DNAJC1: variants seen among roughly 807,000 people sequenced by gnomAD.
DNAJC1 encodes the protein dnaJ homolog subfamily C member 1.
In DNAJC1, 58 loss-of-function variants were observed where a neutral mutation model predicts 76.6. The ratio of observed to expected loss-of-function variants is 0.76; its 90% CI spans 0.61 to 0.94. The LOEUF is 0.94. Ranked by LOEUF, DNAJC1 falls within the 40% of genes least tolerant of loss-of-function variation. DNAJC1 has a pLI of 0.00. For synonymous variants in DNAJC1, 258 were observed against 267.9 expected, an observed-to-expected ratio of 0.96 and a Z score of 0.36; for missense variants, 689 against 677.3, an observed-to-expected ratio of 1.02 and a Z score of -0.19.
chr10:21,884,991 G>T (rs888292917), intron 7 of DNAJC1, among the ~76,000 whole-genome samples: 3 of 151,940 alleles, frequency 2.0e-5, no homozygotes, highest in African/African-American at 4.8e-5. Flanking sequence ...ACAATACAAT[G>T]ACAGGATCAA....
At chr10:21,815,715 C>G (rs1288402173) in intron 8 of DNAJC1, among the ~76,000 whole-genome samples, 2 of 151,330 alleles carry the variant, frequency 1.3e-5, no homozygotes, top group East Asian at 3.9e-4. Flanking sequence ...AAATCTTTGC[C>G]TATCTCAAGG....
intron 8 of DNAJC1, among the ~76,000 whole-genome samples, chr10:21,843,983 T>G (rs748756691): frequency 1.3e-5 from 2 of 152,150 alleles, no homozygotes; most frequent in Non-Finnish European, 2.9e-5. Flanking sequence ...ACTGTTCTCA[T>G]GGTAGTGAGT....
chr10:21,989,203 A>G (rs907781776), intron 1 of DNAJC1, among the ~76,000 whole-genome samples: 2 of 152,204 alleles, frequency 1.3e-5, no homozygotes, highest in Non-Finnish European at 2.9e-5. Flanking sequence ...AGGTTCTCAG[A>G]TAATAAGAAA....
chr10:21,879,161 A>T (rs1189932106), intron 8 of DNAJC1, among the ~76,000 whole-genome samples: 1 of 152,230 alleles, frequency 6.6e-6, no homozygotes, highest in East Asian at 1.9e-4. Context: ...TGTTCTAGTC[A>T]TTGAACTTGG....
chr10:21,895,729 A>G (rs1836530675), intron 7 of DNAJC1, among the ~76,000 whole-genome samples: 1 of 152,148 alleles, frequency 6.6e-6, no homozygotes, highest in Non-Finnish European at 1.5e-5. Flanking sequence ...AAGACAATGG[A>G]AGAATGACCG....
chr10:21,801,737 G>T (rs1228832806), intron 9 of DNAJC1, among the ~76,000 whole-genome samples: 1 of 152,032 alleles, frequency 6.6e-6, no homozygotes, highest in Non-Finnish European at 1.5e-5. Context: ...GGAATCAACC[G>T]AAATCCCATT....
At chr10:21,809,940 A>G (rs563216156) in intron 8 of DNAJC1, among the ~76,000 whole-genome samples, 7 of 145,544 alleles carry the variant, frequency 4.8e-5, no homozygotes, top group African/African-American at 1.8e-4. Context: ...ATGGCCTTTC[A>G]TGTGTGTGTG....
At chr10:21,787,175 A>G (rs1834621887) in intron 9 of DNAJC1, among the ~76,000 whole-genome samples, 1 of 152,106 alleles carries the variant, frequency 6.6e-6, no homozygotes, top group South Asian at 2.1e-4. Context: ...TAAAAGTACA[A>G]AAATTAGCCG....
intron 1 of DNAJC1, among the ~76,000 whole-genome samples, chr10:21,967,671 T>C (rs1268244664): frequency 6.6e-6 from 1 of 152,186 alleles, no homozygotes; most frequent in African/African-American, 2.4e-5. Flanking sequence ...TAGAAAATGA[T>C]TTCCTTCTCA....
chr10:21,900,633 TC>T (rs1836636716), intron 7 of DNAJC1, among the ~76,000 whole-genome samples: 1 of 152,178 alleles, frequency 6.6e-6, no homozygotes, highest in Admixed American at 6.5e-5. Flanking sequence ...AATACTATAT[TC>T]TTTAGATATT....
intron 3 of DNAJC1, among the ~76,000 whole-genome samples, chr10:21,927,390 A>C (rs1180200308): frequency 1.3e-5 from 2 of 152,212 alleles, no homozygotes; most frequent in Non-Finnish European, 2.9e-5. Context: ...AACATAGCAC[A>C]ATTTATAGGG....
In DNAJC1 at chr10:21,975,455, C is replaced by T. The variant is rs536505115; in HGVS notation, c.222+27758G>A. The stretch of plus-strand genomic sequence containing the variant: ...GGGCTGAAAAGGCAGGAAGAAAAGG[C>T]CTAACAACTGGTAAACTGATCCATT... On this transcript the variant is annotated intron_variant, in intron 1 of 11. Coordinates refer to ENST00000376980, the MANE Select transcript of DNAJC1 (RefSeq NM_022365.4). Among the ~76,000 whole-genome samples the T allele has an allele frequency of 3.3e-5, 5 of 152,108 alleles. No individual in the cohort carries two copies. The East Asian group carries it at 9.6e-4, about 29-fold the overall frequency.
intron 1 of DNAJC1, among the ~76,000 whole-genome samples, chr10:21,973,749 A>G (rs1014576774): frequency 6.6e-6 from 1 of 151,916 alleles, no homozygotes; most frequent in Non-Finnish European, 1.5e-5. Flanking sequence ...AAAAAAAAAA[A>G]GAAAAAAAGA....
intron 8 of DNAJC1, among the ~76,000 whole-genome samples, chr10:21,823,902 GAAT>G (rs141726106): frequency 3.3e-5 from 5 of 152,002 alleles, no homozygotes; most frequent in Non-Finnish European, 7.4e-5. Flanking sequence ...CTTTTAATTT[GAAT>G]AATAAAAAAA....
At chr10:21,778,543 A>C (rs937248488) in intron 9 of DNAJC1, among the ~76,000 whole-genome samples, 1 of 152,170 alleles carries the variant, frequency 6.6e-6, no homozygotes, top group Non-Finnish European at 1.5e-5. Context: ...CAATTGGGCT[A>C]TTTACTTGCA....
In DNAJC1 at chr10:22,003,227, G is replaced by A; in HGVS notation, c.208C>T (p.Leu70Phe). 2 of 1,559,478 alleles carry A rather than the reference G, an allele frequency of 1.3e-6. No individual in the cohort carries two copies. The highest frequency in any genetic ancestry group is 1.7e-6 in the Non-Finnish European group (2 of 1,154,036). The change falls in exon 1 of 12, where the codon CTC (leucine) becomes TTC (phenylalanine). Residue 70 changes from leucine to phenylalanine, a missense_variant. Physicochemically the swap from Leu to Phe is conservative, Grantham distance 22. Coordinates refer to ENST00000376980, the MANE Select transcript of DNAJC1 (RefSeq NM_022365.4). ...EEVQLNFYQF[L>F]GVQQDASSAD... is the part of the protein sequence containing the mutation. ...TCCTTGCTTACCTGCTGCACCCCGAGGAACTGGTAGAAGTTGAGCTGCACC... is the reference window on the plus strand; with the variant it reads ...TCCTTGCTTACCTGCTGCACCCCGAAGAACTGGTAGAAGTTGAGCTGCACC...
At chr10:21,877,292 A>G (rs1171711556) in intron 8 of DNAJC1, among the ~76,000 whole-genome samples, 1 of 56,688 alleles carries the variant, frequency 1.8e-5, no homozygotes, top group Non-Finnish European at 3.0e-5. Context: ...AAATACATAT[A>G]TATATACATA....
chr10:21,824,273 C>T (rs1835208418), intron 8 of DNAJC1, among the ~76,000 whole-genome samples: 1 of 152,118 alleles, frequency 6.6e-6, no homozygotes, highest in South Asian at 2.1e-4. Flanking sequence ...TACCCCACAC[C>T]AAAAACTAGG....
At chr10:21,774,737 A>G (rs111719036) in intron 9 of DNAJC1, among the ~76,000 whole-genome samples, 2,123 of 152,306 alleles carry the variant, frequency 0.014, 50 homozygotes, top group African/African-American at 0.048. Context: ...TCAGTCTCCC[A>G]AAGTGCTGGG....
Sources: allele counts gnomAD v4.1 joint callset (sites outside exome capture counted in the v4.1 genomes callset), GRCh38; gene constraint gnomAD v4.1.1; transcripts MANE v1.5; gene names NCBI Gene and HGNC (gene_info 2026-07-23, HGNC 2026-07-21).